The following GRID2 variants were observed in gnomAD, a reference collection of about 807,000 sequenced individuals.
GRID2 encodes glutamate ionotropic receptor delta type subunit 2.
GRID2 carries 33 observed loss-of-function variants against 114.8 expected under a neutral mutation model. The ratio of observed to expected loss-of-function variants is 0.29; its 90% CI spans 0.22 to 0.38. The LOEUF (loss-of-function observed/expected upper bound fraction) is 0.38, where lower values mean the gene tolerates loss of function less well. Ranked by LOEUF, GRID2 falls within the 10% of genes least tolerant of loss-of-function variation. The probability of loss-of-function intolerance (pLI) is 1.00; values close to 1 mark genes in which losing one functional copy is unlikely to be tolerated. For missense variants in GRID2, 1,184 were observed against 1,257.7 expected (o/e 0.94, Z 0.89); for synonymous variants, 505 against 449.9 (o/e 1.12, Z -1.55).
chr4:93,401,388 C>T (rs529162947), intron 9 of GRID2, among the ~76,000 whole-genome samples: 2 of 152,182 alleles, frequency 1.3e-5, no homozygotes, highest in East Asian at 1.9e-4. Flanking sequence ...ATGCATCCTT[C>T]AACTTCTATT....
At chr4:93,511,984 G>A (rs955443026) in intron 12 of GRID2, among the ~76,000 whole-genome samples, 24 of 151,358 alleles carry the variant, frequency 1.6e-4, no homozygotes, top group African/African-American at 5.3e-4. Flanking sequence ...ACAGGGTTTT[G>A]CCATGTTGGC....
intron 2 of GRID2, among the ~76,000 whole-genome samples, chr4:92,813,674 A>G (rs1415626828): frequency 6.6e-6 from 1 of 152,038 alleles, no homozygotes; most frequent in African/African-American, 2.4e-5. Context: ...ACACACACAT[A>G]TACTCACACA....
chr4:93,023,509 C>G (rs974523479), intron 2 of GRID2, among the ~76,000 whole-genome samples: 2 of 151,862 alleles, frequency 1.3e-5, no homozygotes, highest in East Asian at 3.9e-4. Flanking sequence ...ACAGGAAATT[C>G]TAAAACAGCT....
intron 14 of GRID2, among the ~76,000 whole-genome samples, chr4:93,647,739 G>A (rs1314241818): frequency 2.0e-5 from 3 of 151,994 alleles, no homozygotes; most frequent in Admixed American, 6.6e-5. Context: ...AATGTTGGAA[G>A]GTATACTATA....
Position 92,727,255 on chromosome 4 carries a change from TGGTG to T in GRID2, c.244+136970_244+136973del, listed in dbSNP as rs1328946406. Among the ~76,000 whole-genome samples the T allele has an allele frequency of 3.3e-5, 5 of 152,158 alleles. No homozygotes were observed. The South Asian group carries it at 1.0e-3, about 31-fold the overall frequency. On this transcript the variant is annotated intron_variant, in intron 2 of 15. Coordinates refer to ENST00000282020, the MANE Select transcript of GRID2 (RefSeq NM_001510.4). ...CAATAAAAAGACTTAATTTACAAAA[TGGTG>T]TTTTAAAGTGTTTCTGGGTTTCTTT...
chr4:93,128,403 C>T (rs982739737), intron 4 of GRID2, among the ~76,000 whole-genome samples: 3 of 152,086 alleles, frequency 2.0e-5, no homozygotes, highest in Non-Finnish European at 4.4e-5. Context: ...TACTTTCTGA[C>T]ATAAAGAAAT....
At chr4:93,597,631 G>A (rs1044226530) in intron 13 of GRID2, among the ~76,000 whole-genome samples, 2 of 152,154 alleles carry the variant, frequency 1.3e-5, no homozygotes, top group African/African-American at 4.8e-5. Flanking sequence ...TATCAGAGCA[G>A]TCACTCCAGC....
chr4:93,081,961 G>C (rs1381689788), intron 2 of GRID2, among the ~76,000 whole-genome samples: 1 of 152,142 alleles, frequency 6.6e-6, no homozygotes, highest in Non-Finnish European at 1.5e-5. Context: ...GCTGCCATGA[G>C]TTATAGCCTA....
chr4:92,341,089 T>C (rs964441482), intron 1 of GRID2, among the ~76,000 whole-genome samples: 89 of 152,328 alleles, frequency 5.8e-4, no homozygotes, highest in African/African-American at 2.1e-3. Context: ...ATAAAATGTG[T>C]ATACTATACA....
In GRID2 at chr4:93,395,583, G is replaced by T; in HGVS notation, c.1246-24G>T. The T allele has an allele frequency of 6.4e-6, 7 of 1,096,136 alleles. No homozygotes were observed. In the South Asian group the frequency reaches 8.7e-5, roughly 14 times the overall value. 67.9% of individuals were successfully genotyped at this position (1,096,136 alleles called of 1,614,324 possible). A position where few individuals can be genotyped will look rare whatever the true frequency, so the allele number is the denominator to read the frequency against. Reference sequence around the variant, plus strand: ...GGGACTGTTCTTCAGGCAGAAAAATGACCAAAGTTGTCTTATCTTTCAGCT... The same window carrying T: ...GGGACTGTTCTTCAGGCAGAAAAATTACCAAAGTTGTCTTATCTTTCAGCT... On this transcript the variant is annotated intron_variant, in intron 8 of 15. Coordinates refer to ENST00000282020, the MANE Select transcript of GRID2 (RefSeq NM_001510.4).
At chr4:92,857,416 C>T (rs1439224895) in intron 2 of GRID2, among the ~76,000 whole-genome samples, 3 of 152,084 alleles carry the variant, frequency 2.0e-5, no homozygotes, top group African/African-American at 7.2e-5. Context: ...CTCCAGTGAA[C>T]CCATGGATGA....
intron 13 of GRID2, among the ~76,000 whole-genome samples, chr4:93,535,090 T>C (rs1371440419): frequency 1.3e-5 from 2 of 152,018 alleles, no homozygotes; most frequent in Non-Finnish European, 2.9e-5. Context: ...TTTTTTTAGA[T>C]TCCACATGTA....
At chr4:93,548,636 G>A (rs1733464150) in intron 13 of GRID2, among the ~76,000 whole-genome samples, 1 of 152,116 alleles carries the variant, frequency 6.6e-6, no homozygotes, top group African/African-American at 2.4e-5. Flanking sequence ...AGAAGAGTCT[G>A]TACACTTATA....
At chr4:93,456,081 T>A (rs2149412590) in intron 11 of GRID2, 107 bp downstream of exon 11, 1 of 683,548 alleles carries the variant, frequency 1.5e-6, no homozygotes, top group Non-Finnish European at 2.6e-6. Context: ...ATAAGTGTTC[T>A]AAAGGGTACT....
chr4:93,702,911 C>G (rs1371150842), intron 14 of GRID2, among the ~76,000 whole-genome samples: 1 of 151,656 alleles, frequency 6.6e-6, no homozygotes, highest in Non-Finnish European at 1.5e-5. Flanking sequence ...AAAAATGAAG[C>G]AAGGAGAGGA....
chr4:92,793,236 T>A (rs1739679703), intron 2 of GRID2, among the ~76,000 whole-genome samples: 1 of 151,800 alleles, frequency 6.6e-6, no homozygotes, highest in African/African-American at 2.4e-5. Flanking sequence ...GTGTCTTGTT[T>A]GATTATTTTG....
intron 2 of GRID2, among the ~76,000 whole-genome samples, chr4:92,969,281 T>A (rs1052608302): frequency 6.6e-6 from 1 of 151,636 alleles, no homozygotes; most frequent in African/African-American, 2.4e-5. Context: ...TTATAAATAA[T>A]CCACAATGTG....
intron 2 of GRID2, among the ~76,000 whole-genome samples, chr4:92,672,858 T>G (rs771530973): frequency 5.9e-5 from 9 of 152,142 alleles, no homozygotes; most frequent in Non-Finnish European, 1.3e-4. Context: ...TATTTTGAAA[T>G]GTACAATGAA....
At chr4:93,783,858 G>A (rs976057612) in intron 1 of GRID2, among the ~76,000 whole-genome samples, 7 of 151,596 alleles carry the variant, frequency 4.6e-5, no homozygotes, top group African/African-American at 7.3e-5. Flanking sequence ...GGATCACGAG[G>A]TCAGGAGATC....
Sources: gnomAD v4.1 joint callset for allele counts (sites outside exome capture counted in the v4.1 genomes callset) on GRCh38, gnomAD v4.1.1 for gene constraint, MANE v1.5 for transcripts, NCBI Gene and HGNC (gene_info 2026-07-23, HGNC 2026-07-21) for gene names.